Variants in BCAR3 observed in about 807,000 individuals in gnomAD.
BCAR3 encodes the protein BCAR3 adaptor protein, NSP family member.
Under a neutral mutation model 80.1 loss-of-function variants are expected in BCAR3, and 37 were observed. That is an observed-to-expected ratio of 0.46 (90% CI 0.36 to 0.61). The LOEUF (loss-of-function observed/expected upper bound fraction) is 0.61, where lower values mean the gene tolerates loss of function less well. Ranked by LOEUF, BCAR3 falls within the 20% of genes least tolerant of loss-of-function variation. BCAR3 has a pLI of 0.00. For synonymous variants in BCAR3, 389 were observed against 418.9 expected, an observed-to-expected ratio of 0.93 and a Z score of 0.87; for missense variants, 978 against 1,068.2, an observed-to-expected ratio of 0.92 and a Z score of 1.18.
upstream of BCAR3, among the ~76,000 whole-genome samples, chr1:93,686,231 G>T (rs2101960256): frequency 6.6e-6 from 1 of 152,228 alleles, no homozygotes. Flanking sequence ...TTATTACAAA[G>T]AAATAATTGA....
chr1:93,729,951 T>C (rs1202935926), intron 2 of BCAR3, among the ~76,000 whole-genome samples: 1 of 152,242 alleles, frequency 6.6e-6, no homozygotes, highest in Non-Finnish European at 1.5e-5. Context: ...ATATATAAAT[T>C]TAGCAGAATA....
intron 5 of BCAR3, among the ~76,000 whole-genome samples, chr1:93,587,833 C>T (rs1674011001): frequency 6.6e-6 from 1 of 152,060 alleles, no homozygotes; most frequent in Non-Finnish European, 1.5e-5. Flanking sequence ...CCTGCCTTTT[C>T]CCTCCTTTCC....
chr1:93,584,716 C>A (rs1005856371), intron 5 of BCAR3, among the ~76,000 whole-genome samples: 1 of 152,212 alleles, frequency 6.6e-6, no homozygotes, highest in African/African-American at 2.4e-5. Context: ...GGCACCGGCA[C>A]GGTCACCAAG....
intron 2 of BCAR3, among the ~76,000 whole-genome samples, chr1:93,778,036 T>C (rs899013181): frequency 6.6e-6 from 1 of 152,228 alleles, no homozygotes; most frequent in African/African-American, 2.4e-5. Flanking sequence ...CCTTGACAAG[T>C]TGACTTCTGA....
chr1:93,584,740 G>A (rs1673873642), intron 5 of BCAR3, among the ~76,000 whole-genome samples: 1 of 152,220 alleles, frequency 6.6e-6, no homozygotes, highest in Non-Finnish European at 1.5e-5. Flanking sequence ...CAGTTGGGAG[G>A]CACACTGTGT....
chr1:93,677,338 G>A (rs555306784), intron 1 of BCAR3, among the ~76,000 whole-genome samples: 1 of 152,290 alleles, frequency 6.6e-6, no homozygotes, highest in East Asian at 1.9e-4. Context: ...GCTGTGGCTC[G>A]AGTGAAGCCG....
At chr1:93,713,989 A>G (rs939538044) in intron 2 of BCAR3, among the ~76,000 whole-genome samples, 5 of 152,132 alleles carry the variant, frequency 3.3e-5, no homozygotes, top group African/African-American at 4.8e-5. Flanking sequence ...TATAGATTCA[A>G]CTGTTTTTTT....
chr1:93,610,994 A>G (rs566820106), intron 3 of BCAR3, among the ~76,000 whole-genome samples: 4 of 151,838 alleles, frequency 2.6e-5, no homozygotes, highest in Non-Finnish European at 4.4e-5. Flanking sequence ...CCACGAAATG[A>G]TTCTGGGCGG....
chr1:93,591,541 C>T (rs1327836526), intron 4 of BCAR3, among the ~76,000 whole-genome samples: 1 of 152,104 alleles, frequency 6.6e-6, no homozygotes, highest in Non-Finnish European at 1.5e-5. Flanking sequence ...CACTTCCTGT[C>T]ATGTTGTCCT....
At chr1:93,814,417 T>A (rs991567593) in intron 2 of BCAR3, among the ~76,000 whole-genome samples, 2 of 152,182 alleles carry the variant, frequency 1.3e-5, no homozygotes, top group Non-Finnish European at 2.9e-5. Context: ...CCCACAGAGA[T>A]GGTCATGCAG....
chr1:93,673,360 T>G (rs1389859783), intron 2 of BCAR3, among the ~76,000 whole-genome samples: 1 of 152,230 alleles, frequency 6.6e-6, no homozygotes, highest in Non-Finnish European at 1.5e-5. Context: ...CTAGAATGTT[T>G]TCAATGCTGG....
chr1:93,701,954 G>A (rs1262271975), intron 3 of BCAR3, among the ~76,000 whole-genome samples: 1 of 152,206 alleles, frequency 6.6e-6, no homozygotes, highest in Non-Finnish European at 1.5e-5. Context: ...GAGAAGGGCT[G>A]AGTGAGTGTA....
intron 2 of BCAR3, among the ~76,000 whole-genome samples, chr1:93,819,530 T>C (rs985534460): frequency 1.3e-5 from 2 of 152,238 alleles, no homozygotes; most frequent in Admixed American, 6.5e-5. Flanking sequence ...TACTCTTAGC[T>C]CTCTTCTGGA....
At chr1:93,617,299 T>C (rs1431077446) in intron 3 of BCAR3, among the ~76,000 whole-genome samples, 5 of 152,152 alleles carry the variant, frequency 3.3e-5, no homozygotes, top group African/African-American at 9.7e-5. Context: ...TGGAGGGAGA[T>C]GGCAGGAGAA....
intron 8 of BCAR3, among the ~76,000 whole-genome samples, chr1:93,573,630 A>ATTTTT (rs1422568036): frequency 7.2e-6 from 1 of 139,122 alleles, no homozygotes; most frequent in African/African-American, 2.8e-5. Context: ...TATTATTATT[A>ATTTTT]TTATTTTTTT....
intron 3 of BCAR3, among the ~76,000 whole-genome samples, chr1:93,619,416 A>G (rs1416415377): frequency 1.3e-5 from 2 of 152,068 alleles, no homozygotes; most frequent in Non-Finnish European, 2.9e-5. Context: ...TACCCCTTGG[A>G]GTCTTATCCA....
intron 2 of BCAR3, among the ~76,000 whole-genome samples, chr1:93,783,047 AGAAGATT>A (rs1652817523): frequency 1.3e-5 from 2 of 152,368 alleles, no homozygotes; most frequent in South Asian, 4.1e-4. Context: ...GCAAAATCTA[AGAAGATT>A]GACAATATCA....
chr1:93,712,366 C>G (rs1650052189), intron 2 of BCAR3, among the ~76,000 whole-genome samples: 1 of 152,208 alleles, frequency 6.6e-6, no homozygotes, highest in Non-Finnish European at 1.5e-5. Context: ...CCTGCTGCCA[C>G]ACATGGGCAG....
chr1:93,601,290 T>C (rs1010327192), intron 3 of BCAR3, among the ~76,000 whole-genome samples: 37 of 152,202 alleles, frequency 2.4e-4, no homozygotes, highest in Admixed American at 2.4e-3. Flanking sequence ...TTTAGAGATA[T>C]CTGGCCCTCG....
Sources: allele counts gnomAD v4.1 joint callset (sites outside exome capture counted in the v4.1 genomes callset), GRCh38; gene constraint gnomAD v4.1.1; transcripts MANE v1.5; gene names NCBI Gene and HGNC (gene_info 2026-07-23, HGNC 2026-07-21).